PATJ: variants seen among roughly 807,000 people sequenced by gnomAD.
PATJ encodes inaD-like protein.
Under a neutral mutation model 224.9 loss-of-function variants are expected in PATJ, and 190 were observed. That is an observed-to-expected ratio of 0.84 (90% CI 0.75 to 0.95). The LOEUF is 0.95. Among genes scored for constraint, PATJ ranks in the 40% least tolerant of loss-of-function variants. The probability of loss-of-function intolerance (pLI) is 0.00; values close to 1 mark genes in which losing one functional copy is unlikely to be tolerated. For missense variants in PATJ, 2,121 were observed against 2,270.3 expected, an observed-to-expected ratio of 0.93 and a Z score of 1.34; for synonymous variants, 769 against 820.3, an observed-to-expected ratio of 0.94 and a Z score of 1.07.
Position 61,806,955 on chromosome 1 carries a change from C to A in PATJ, c.1626+1431C>A, listed in dbSNP as rs182647434. Among the ~76,000 whole-genome samples the A allele has an allele frequency of 2.0e-5, 3 of 151,984 alleles. No homozygotes were observed. The East Asian group carries it at 5.9e-4, about 30-fold the overall frequency. On this transcript the variant is annotated intron_variant, in intron 13 of 43. Transcript: ENST00000642238. ...TCACTTGAGGTCGGGAGTCTGAGACCAGCCTGGCCAACATGGTGAAACCTT... is the reference window on the plus strand; with the variant it reads ...TCACTTGAGGTCGGGAGTCTGAGACAAGCCTGGCCAACATGGTGAAACCTT...
intron 27 of PATJ, among the ~76,000 whole-genome samples, chr1:61,965,378 T>C (rs573625347): frequency 1.3e-5 from 2 of 152,222 alleles, no homozygotes; most frequent in South Asian, 4.2e-4. Context: ...ATATGGTAAT[T>C]AGGGTCAGTA....
rs1427592203 is a variant in PATJ, at chr1:61,875,229, T to C, written c.2836-14T>C. 1 of 1,543,988 alleles carries C rather than the reference T, an allele frequency of 6.5e-7. No individual in the cohort carries two copies. Among genetic ancestry groups the C allele is most frequent in the Non-Finnish European group, 8.9e-7 (1 of 1,126,584 alleles). On this transcript the variant is annotated splice_polypyrimidine_tract_variant and intron_variant, in intron 20 of 43. Coordinates refer to ENST00000642238, the MANE Select transcript of PATJ (RefSeq NM_001350145.3). ...ATAAAGTACTAATGCATTTCTATTT[T>C]TCTTCCTCTCAAGATGAAAGAAAAT... is the stretch of plus-strand genomic sequence containing the variant.
chr1:62,138,273 AC>A (rs1403460373), intron 41 of PATJ, among the ~76,000 whole-genome samples: 2 of 152,090 alleles, frequency 1.3e-5, no homozygotes, highest in Non-Finnish European at 2.9e-5. Flanking sequence ...CAAGATGTCT[AC>A]AGCAGCACTG....
At chr1:61,998,847 G>T (rs1016663791) in intron 28 of PATJ, among the ~76,000 whole-genome samples, 2 of 152,120 alleles carry the variant, frequency 1.3e-5, no homozygotes, top group African/African-American at 4.8e-5. Flanking sequence ...TGGCTTGTTA[G>T]GGGAAGAGTT....
intron 33 of PATJ, among the ~76,000 whole-genome samples, chr1:62,092,409 A>T (rs1051245204): frequency 6.6e-6 from 1 of 151,838 alleles, no homozygotes; most frequent in Non-Finnish European, 1.5e-5. Flanking sequence ...TTCAAGCACT[A>T]TTCTCTTTTT....
intron 4 of PATJ, among the ~76,000 whole-genome samples, chr1:61,767,784 C>G (rs1416199660): frequency 6.7e-6 from 1 of 150,208 alleles, no homozygotes; most frequent in Admixed American, 6.7e-5. Context: ...TCAAGCGATT[C>G]TCCTGCCTCA....
intron 31 of PATJ, among the ~76,000 whole-genome samples, chr1:62,061,129 C>T (rs1417392986): frequency 6.6e-6 from 1 of 152,090 alleles, no homozygotes; most frequent in Non-Finnish European, 1.5e-5. Context: ...CCTTCCCTCC[C>T]TCTTTCTCTC....
rs888822999 is a variant in PATJ, at chr1:61,914,230, C to T, written c.3493-357C>T. ...CAGCACTTTGGGAGGCTGAGGCGGG[C>T]GGATCATCTGAGGTCAGGTATTTGA... On this transcript the variant is annotated intron_variant, in intron 25 of 43. Transcript: ENST00000642238. 7.2e-5 allele frequency among the ~76,000 whole-genome samples: 11 copies of T among 152,122 alleles called. No individual in the cohort carries two copies. The South Asian group carries it at 1.0e-3, about 14-fold the overall frequency.
At chr1:61,899,231 G>A (rs989613719) in intron 22 of PATJ, among the ~76,000 whole-genome samples, 1 of 152,044 alleles carries the variant, frequency 6.6e-6, no homozygotes. Flanking sequence ...GTCTTAGCTG[G>A]TCAAACAATA....
chr1:62,073,490 G>T (rs1289487746), intron 31 of PATJ: 4 of 199,190 alleles, frequency 2.0e-5, no homozygotes, highest in African/African-American at 9.5e-5. Flanking sequence ...ACAAAAATTA[G>T]CCAGATGTGG....
intron 20 of PATJ, among the ~76,000 whole-genome samples, chr1:61,872,231 C>A (rs1164876381): frequency 1.3e-5 from 2 of 152,106 alleles, no homozygotes; most frequent in Non-Finnish European, 2.9e-5. Context: ...TTATTCTAGG[C>A]AACTATGTAG....
chr1:62,091,821 C>T (rs145783293), intron 33 of PATJ, among the ~76,000 whole-genome samples: 10,295 of 151,764 alleles, frequency 0.068, 803 homozygotes, highest in African/African-American at 0.2. Flanking sequence ...TTTGGGAGGC[C>T]GAGGTGGGCG....
intron 29 of PATJ, among the ~76,000 whole-genome samples, chr1:62,028,717 A>G (rs543323511): frequency 1.3e-5 from 2 of 152,292 alleles, no homozygotes; most frequent in East Asian, 3.9e-4. Context: ...CAGAAGGTCA[A>G]GGCTGCAGTG....
chr1:62,079,233 C>T (rs1220458330), intron 31 of PATJ, among the ~76,000 whole-genome samples: 1 of 152,124 alleles, frequency 6.6e-6, no homozygotes, highest in Non-Finnish European at 1.5e-5. Context: ...CTTCCTTGAT[C>T]TGCCCTTCAT....
At chr1:61,836,380 G>T (rs1327633210) in intron 17 of PATJ, among the ~76,000 whole-genome samples, 2 of 152,148 alleles carry the variant, frequency 1.3e-5, no homozygotes, top group Non-Finnish European at 1.5e-5. Flanking sequence ...CAAAGGATTA[G>T]ATATTCTTTT....
At chr1:62,024,511 C>T (rs1042154867) in intron 29 of PATJ, among the ~76,000 whole-genome samples, 2 of 152,060 alleles carry the variant, frequency 1.3e-5, no homozygotes, top group South Asian at 2.1e-4. Flanking sequence ...TTTGTTTCAC[C>T]TCTTTTGGCA....
At position 61,807,895 on chromosome 1, in the gene PATJ, G is replaced by A. The variant is rs115941074; in HGVS notation, c.1627-579G>A. ...ACTTCTGTGGATGTCCACCATTGAA[G>A]CTTAGAACAATAGTTTTAGGCCAGG... On this transcript the variant is annotated intron_variant, in intron 13 of 43. Coordinates refer to ENST00000642238, the MANE Select transcript of PATJ (RefSeq NM_001350145.3). Among the ~76,000 whole-genome samples the A allele has an allele frequency of 2.4e-3, 362 of 152,290 alleles. 1 individual carries two copies. The highest frequency in any genetic ancestry group is 8.5e-3 in the African/African-American group (354 of 41,564).
chr1:61,975,369 T>C (rs927472452), intron 27 of PATJ, among the ~76,000 whole-genome samples: 2 of 152,106 alleles, frequency 1.3e-5, no homozygotes, highest in Admixed American at 6.5e-5. Flanking sequence ...CTTTTGATAG[T>C]ACCTAATTCA....
chr1:61,930,634 T>A (rs58785584), intron 27 of PATJ, among the ~76,000 whole-genome samples: 1,816 of 152,194 alleles, frequency 0.012, 40 homozygotes, highest in African/African-American at 0.041. Context: ...GTGCAGTAGC[T>A]CAATCATGGC....
Sources: allele counts gnomAD v4.1 joint callset (sites outside exome capture counted in the v4.1 genomes callset), GRCh38; gene constraint gnomAD v4.1.1; transcripts MANE v1.5; gene names NCBI Gene and HGNC (gene_info 2026-07-23, HGNC 2026-07-21).